Variants in LDLRAD4 observed in about 807,000 individuals in gnomAD.
LDLRAD4 encodes the protein low-density lipoprotein receptor class A domain-containing protein 4.
Under a neutral mutation model 17.0 loss-of-function variants are expected in LDLRAD4, and 5 were observed. That is an observed-to-expected ratio of 0.29 (90% CI 0.15 to 0.62). The LOEUF is 0.62. Among genes scored for constraint, LDLRAD4 ranks in the 20% least tolerant of loss-of-function variants. LDLRAD4 has a pLI of 0.84. For missense variants in LDLRAD4, 340 were observed against 424.7 expected (o/e 0.80, Z 1.75); for synonymous variants, 168 against 171.8 (o/e 0.98, Z 0.17).
chr18:13,501,416 G>A (rs946490569), intron 3 of LDLRAD4: 3 of 152,180 alleles, frequency 2.0e-5, no homozygotes, highest in Non-Finnish European at 4.4e-5. Context: ...AAGCAAGTCT[G>A]CGCCGAGAAG....
intron 3 of LDLRAD4, among the ~76,000 whole-genome samples, chr18:13,552,787 T>G (rs975425849): frequency 6.6e-6 from 1 of 152,170 alleles, no homozygotes; most frequent in African/African-American, 2.4e-5. Flanking sequence ...CCTGAGTAAG[T>G]GGGTGTGCAC....
chr18:13,572,418 G>A (rs141282654), intron 3 of LDLRAD4, among the ~76,000 whole-genome samples: 1 of 152,216 alleles, frequency 6.6e-6, no homozygotes, highest in Non-Finnish European at 1.5e-5. Context: ...TACAGCCTGG[G>A]CTGGGAGTGG....
chr18:13,649,898 G>A (rs577955047), exon 6 of LDLRAD4: 36 of 396,540 alleles, frequency 9.1e-5, no homozygotes, highest in Middle Eastern at 1.3e-3. Flanking sequence ...CAAGAATGCC[G>A]CGTGCTTGGC....
intron 3 of LDLRAD4, among the ~76,000 whole-genome samples, chr18:13,511,056 T>G (rs1420025643): frequency 6.6e-6 from 1 of 152,152 alleles, no homozygotes; most frequent in Non-Finnish European, 1.5e-5. Context: ...GCAACATTCT[T>G]CAAGCCTGGA....
rs547457971 is a variant in LDLRAD4, at chr18:13,423,266, G to A, written c.41-14978G>A. Among the ~76,000 whole-genome samples the A allele has an allele frequency of 6.6e-5, 10 of 152,242 alleles. No individual in the cohort carries two copies. In the East Asian group the frequency reaches 1.7e-3, roughly 26 times the overall value. Reference sequence around the variant, plus strand: ...CCAGCACTTTGGGAGGCTGAGGAGGGCAGATCACCTGAGTTTGGGAGTTTG... The same window carrying A: ...CCAGCACTTTGGGAGGCTGAGGAGGACAGATCACCTGAGTTTGGGAGTTTG... On this transcript the variant is annotated intron_variant, in intron 2 of 5. Coordinates refer to ENST00000359446, the Ensembl canonical transcript of LDLRAD4.
At chr18:13,416,736 C>T (rs1048024179) in intron 2 of LDLRAD4, among the ~76,000 whole-genome samples, 2 of 152,152 alleles carry the variant, frequency 1.3e-5, no homozygotes, top group Non-Finnish European at 2.9e-5. Context: ...AAAAGCTATG[C>T]TCTATGCAAT....
intron 3 of LDLRAD4, among the ~76,000 whole-genome samples, chr18:13,568,035 A>T (rs1169969963): frequency 2.0e-5 from 3 of 148,668 alleles, no homozygotes; most frequent in African/African-American, 7.5e-5. Flanking sequence ...CTGTAATCCC[A>T]GCACTTTGGG....
At chr18:13,478,464 T>C (rs1286825865) in intron 3 of LDLRAD4, among the ~76,000 whole-genome samples, 2 of 152,240 alleles carry the variant, frequency 1.3e-5, no homozygotes, top group Admixed American at 6.5e-5. Flanking sequence ...CTTGCTTGGC[T>C]TCACATTGCT....
At chr18:13,482,828 C>A (rs1160606808) in intron 3 of LDLRAD4, among the ~76,000 whole-genome samples, 1 of 152,176 alleles carries the variant, frequency 6.6e-6, no homozygotes, top group Non-Finnish European at 1.5e-5. Context: ...GGTAACAGCC[C>A]TTTAGTTGAA....
intron 1 of LDLRAD4, among the ~76,000 whole-genome samples, chr18:13,379,143 AC>A (rs2085147699): frequency 6.6e-6 from 1 of 152,264 alleles, no homozygotes; most frequent in Non-Finnish European, 1.5e-5. Context: ...TGCCTAAGTC[AC>A]ACACAGCCTA....
chr18:13,583,458 G>C (rs1475193851), intron 3 of LDLRAD4, among the ~76,000 whole-genome samples: 1 of 152,078 alleles, frequency 6.6e-6, no homozygotes, highest in Non-Finnish European at 1.5e-5. Context: ...AGATGCCTAA[G>C]ATCTAGTTAG....
At chr18:13,626,506 G>C (rs1289962321) in intron 4 of LDLRAD4, among the ~76,000 whole-genome samples, 3 of 152,186 alleles carry the variant, frequency 2.0e-5, no homozygotes, top group Non-Finnish European at 4.4e-5. Flanking sequence ...TGGAGGGAGA[G>C]GCAGGAGAGG....
chr18:13,570,417 G>A (rs1261499438), intron 3 of LDLRAD4, among the ~76,000 whole-genome samples: 1 of 152,228 alleles, frequency 6.6e-6, no homozygotes, highest in Non-Finnish European at 1.5e-5. Context: ...CAGAGGAGTG[G>A]CAGAGACTCC....
At chr18:13,570,250 G>C (rs1220276917) in intron 3 of LDLRAD4, among the ~76,000 whole-genome samples, 2 of 152,208 alleles carry the variant, frequency 1.3e-5, no homozygotes, top group Admixed American at 6.5e-5. Flanking sequence ...CATGTGGGGG[G>C]CCTGGTCTGT....
chr18:13,286,934 C>T (rs1050789509), intron 1 of LDLRAD4, among the ~76,000 whole-genome samples: 1 of 152,166 alleles, frequency 6.6e-6, no homozygotes, highest in Non-Finnish European at 1.5e-5. Flanking sequence ...GACTTTTGGG[C>T]TTCAGTCTTG....
chr18:13,567,194 A>C (rs976822175), intron 3 of LDLRAD4, among the ~76,000 whole-genome samples: 1 of 152,206 alleles, frequency 6.6e-6, no homozygotes, highest in African/African-American at 2.4e-5. Flanking sequence ...TATGACGTGC[A>C]TGTGCTTTTG....
upstream of LDLRAD4, chr18:13,217,738 C>T (rs1288645117): frequency 6.6e-6 from 1 of 151,254 alleles, no homozygotes; most frequent in African/African-American, 2.4e-5. The surrounding 1 kb of genome is among the most constrained non-coding windows in gnomAD (Gnocchi z 4.9). Context: ...TCTCTCCCCG[C>T]GCTGAGGCTG....
chr18:13,607,793 G>T (rs1256185504), intron 3 of LDLRAD4, among the ~76,000 whole-genome samples: 2 of 152,216 alleles, frequency 1.3e-5, no homozygotes, highest in Non-Finnish European at 2.9e-5. Flanking sequence ...TTTTATGGCT[G>T]CATAGTATTC....
intron 1 of LDLRAD4, among the ~76,000 whole-genome samples, chr18:13,373,836 C>T (rs1186724383): frequency 1.3e-5 from 2 of 152,166 alleles, no homozygotes; most frequent in African/African-American, 4.8e-5. Flanking sequence ...TTCATTTAGA[C>T]TGGATTTTAA....
Sources: gnomAD v4.1 joint callset for allele counts (sites outside exome capture counted in the v4.1 genomes callset) on GRCh38, gnomAD v4.1.1 for gene constraint, Gnocchi (gnomAD v3.1) non-coding constraint, MANE v1.5 for transcripts, NCBI Gene and HGNC (gene_info 2026-07-23, HGNC 2026-07-21) for gene names.